Variants in PAWR observed in about 807,000 individuals in gnomAD.
PAWR encodes the protein PRKC apoptosis WT1 regulator protein.
Under a neutral mutation model 32.0 loss-of-function variants are expected in PAWR, and 23 were observed. That is an observed-to-expected ratio of 0.72 (90% confidence interval 0.52 to 1.02). The LOEUF (loss-of-function observed/expected upper bound fraction) is 1.02, where lower values mean the gene tolerates loss of function less well. Among genes scored for constraint, PAWR ranks in the 50% least tolerant of loss-of-function variants. PAWR has a pLI of 0.00. For missense variants in PAWR, 457 were observed against 437.7 expected, an observed-to-expected ratio of 1.04 and a Z score of -0.39; for synonymous variants, 226 against 187.1, an observed-to-expected ratio of 1.21 and a Z score of -1.70.
At chr12:79,687,587 CA>C (rs1210754984) in intron 2 of PAWR, among the ~76,000 whole-genome samples, 3 of 152,086 alleles carry the variant, frequency 2.0e-5, no homozygotes, top group Non-Finnish European at 4.4e-5. Flanking sequence ...TACTTATTTT[CA>C]TACCCGAAAA....
chr12:79,654,544 G>A (rs1397971432), intron 2 of PAWR, among the ~76,000 whole-genome samples: 3 of 152,010 alleles, frequency 2.0e-5, no homozygotes, highest in Non-Finnish European at 2.9e-5. Flanking sequence ...CCTAGTTCTC[G>A]TAGAGACTTA....
chr12:79,588,706 T>C lies in PAWR; in HGVS notation c.*3901A>G, dbSNP rs1327857103. ...CTGTAACACCTGTAATAGTATTTAA[T>C]ACAGCTCCCACATACTATATTCCTC... On this transcript the variant is annotated 3_prime_UTR_variant, in exon 7 of 7. Transcript: ENST00000328827. 1.3e-5 allele frequency: 2 copies of C among 152,156 alleles called. No individual in the cohort carries two copies. The highest frequency in any genetic ancestry group is 1.9e-4 in the East Asian group (1 of 5,192). The allele number at this position is 152,156 out of a possible 1,614,324, so 9.4% of individuals were successfully genotyped here. A position where few individuals can be genotyped will look rare whatever the true frequency, so the allele number is the denominator to read the frequency against.
intron 4 of PAWR, among the ~76,000 whole-genome samples, chr12:79,600,648 CT>C (rs1025749975): frequency 0.012 from 1,210 of 102,304 alleles, 7 homozygotes; most frequent in African/African-American, 0.031. Flanking sequence ...CCATACCTGG[CT>C]TTTTTTTTTT....
intron 2 of PAWR, among the ~76,000 whole-genome samples, chr12:79,679,367 G>A (rs1013072863): frequency 2.6e-5 from 4 of 152,052 alleles, no homozygotes; most frequent in African/African-American, 9.7e-5. Flanking sequence ...TGTCACATTC[G>A]GCAATTAAGA....
intron 2 of PAWR, among the ~76,000 whole-genome samples, chr12:79,663,279 G>C (rs1877435939): frequency 6.6e-6 from 1 of 152,084 alleles, no homozygotes; most frequent in South Asian, 2.1e-4. Context: ...CTTGTCTATG[G>C]TTTTAAGTGT....
intron 2 of PAWR, among the ~76,000 whole-genome samples, chr12:79,640,931 T>C (rs892404069): frequency 6.6e-6 from 1 of 152,162 alleles, no homozygotes; most frequent in African/African-American, 2.4e-5. Flanking sequence ...ATCTGAGAGT[T>C]TGAAGTTAAG....
intron 2 of PAWR, among the ~76,000 whole-genome samples, chr12:79,656,071 T>A (rs142925480): frequency 1.3e-5 from 2 of 152,306 alleles, no homozygotes; most frequent in African/African-American, 4.8e-5. Context: ...GCATATCACA[T>A]CTGAGGTATC....
chr12:79,629,112 T>C (rs1465833757), intron 2 of PAWR, among the ~76,000 whole-genome samples: 3 of 151,682 alleles, frequency 2.0e-5, no homozygotes, highest in African/African-American at 7.3e-5. Context: ...ACAGATAGGA[T>C]AAATAGAAAA....
At chr12:79,617,560 A>C (rs1253245973) in intron 3 of PAWR, among the ~76,000 whole-genome samples, 1 of 149,048 alleles carries the variant, frequency 6.7e-6, no homozygotes, top group East Asian at 1.9e-4. Flanking sequence ...AGGTTAAAAA[A>C]AAATCAACCT....
intron 4 of PAWR, chr12:79,603,658 C>G (rs1196430014): frequency 6.8e-6 from 1 of 146,794 alleles, no homozygotes; most frequent in Non-Finnish European, 1.5e-5. Context: ...TAAACGGCAT[C>G]ATTATGCTAT....
At chr12:79,638,366 A>C (rs1876068691) in intron 2 of PAWR, among the ~76,000 whole-genome samples, 1 of 152,162 alleles carries the variant, frequency 6.6e-6, no homozygotes, top group Admixed American at 6.5e-5. Context: ...TTCTAAAAGC[A>C]GTATATAACA....
At chr12:79,657,029 T>C (rs1048359099) in intron 2 of PAWR, among the ~76,000 whole-genome samples, 1 of 152,114 alleles carries the variant, frequency 6.6e-6, no homozygotes, top group African/African-American at 2.4e-5. Flanking sequence ...AACAGCATCT[T>C]ACGCACATGA....
intron 2 of PAWR, among the ~76,000 whole-genome samples, chr12:79,632,786 GA>G (rs1449933470): frequency 6.6e-6 from 1 of 151,914 alleles, no homozygotes; most frequent in Non-Finnish European, 1.5e-5. Context: ...CCACTAAAAG[GA>G]AAAAGTTAAC....
intron 2 of PAWR, among the ~76,000 whole-genome samples, chr12:79,682,619 T>C (rs929234126): frequency 6.6e-6 from 1 of 152,166 alleles, no homozygotes; most frequent in Non-Finnish European, 1.5e-5. Flanking sequence ...ACCTTTGAAG[T>C]GTGTGATTTT....
At chr12:79,664,624 T>C (rs998134945) in intron 2 of PAWR, among the ~76,000 whole-genome samples, 2 of 134,968 alleles carry the variant, frequency 1.5e-5, no homozygotes, top group African/African-American at 6.0e-5. Flanking sequence ...AAATGTGCTA[T>C]CAAATTATTT....
At chr12:79,687,088 T>C (rs1434778307) in intron 2 of PAWR, among the ~76,000 whole-genome samples, 1 of 152,066 alleles carries the variant, frequency 6.6e-6, no homozygotes, top group Non-Finnish European at 1.5e-5. Context: ...TACCAAAAAA[T>C]AGAAAATGTA....
At chr12:79,628,299 A>G (rs1268083559) in intron 2 of PAWR, among the ~76,000 whole-genome samples, 1 of 152,216 alleles carries the variant, frequency 6.6e-6, no homozygotes, top group Non-Finnish European at 1.5e-5. Context: ...TCTCTGGGAC[A>G]CATTCAAAGC....
intron 4 of PAWR, among the ~76,000 whole-genome samples, chr12:79,610,706 A>G (rs555466112): frequency 2.4e-4 from 36 of 151,528 alleles, no homozygotes; most frequent in African/African-American, 8.7e-4. Context: ...TGGGAGGATC[A>G]CTTGAGTTTG....
intron 4 of PAWR, among the ~76,000 whole-genome samples, chr12:79,601,996 T>C (rs917768022): frequency 1.3e-5 from 2 of 152,224 alleles, no homozygotes; most frequent in Non-Finnish European, 2.9e-5. Context: ...AGTTAAACAC[T>C]TGATTTTCTC....
Sources: gnomAD v4.1 joint callset for allele counts (sites outside exome capture counted in the v4.1 genomes callset) on GRCh38, gnomAD v4.1.1 for gene constraint, MANE v1.5 for transcripts, NCBI Gene and HGNC (gene_info 2026-07-23, HGNC 2026-07-21) for gene names.